FBXL17: variants seen among roughly 807,000 people sequenced by gnomAD.
FBXL17 encodes the protein F-box and leucine rich repeat protein 17.
In FBXL17, 22 loss-of-function variants were observed where a neutral mutation model predicts 66.2. The ratio of observed to expected loss-of-function variants is 0.33; its 90% CI spans 0.24 to 0.47. FBXL17 has a LOEUF of 0.47. Among genes scored for constraint, FBXL17 ranks in the 20% least tolerant of loss-of-function variants. The pLI is 1.00. For missense variants in FBXL17, 878 were observed against 948.2 expected, an observed-to-expected ratio of 0.93 and a Z score of 0.97; for synonymous variants, 474 against 400.5, an observed-to-expected ratio of 1.18 and a Z score of -2.19.
chr5:107,997,534 T>C (rs367545174), intron 7 of FBXL17, among the ~76,000 whole-genome samples: 1 of 152,164 alleles, frequency 6.6e-6, no homozygotes, highest in Admixed American at 6.5e-5. Context: ...ATTAGGGAGA[T>C]GGCATCTTGA....
At chr5:107,952,385 G>C (rs1751525694) in intron 7 of FBXL17, among the ~76,000 whole-genome samples, 1 of 152,174 alleles carries the variant, frequency 6.6e-6, no homozygotes. Context: ...AACTATTTCA[G>C]TATCATCTTT....
chr5:108,001,023 G>C (rs898316788), intron 7 of FBXL17, among the ~76,000 whole-genome samples: 7 of 152,080 alleles, frequency 4.6e-5, no homozygotes, highest in African/African-American at 1.7e-4. Flanking sequence ...TTATAAAATA[G>C]CTGTGCACTT....
In FBXL17 at chr5:107,860,128, AC is replaced by A. The variant is rs1326533813; in HGVS notation, c.*1591del. 6.6e-6 allele frequency: 1 copy of A among 152,276 alleles called. No individual in the cohort carries two copies. Among genetic ancestry groups the A allele is most frequent in the Admixed American group, 6.5e-5 (1 of 15,288 alleles). The allele number at this position is 152,276 out of a possible 1,614,324, so 9.4% of individuals were successfully genotyped here. A position where few individuals can be genotyped will look rare whatever the true frequency, so the allele number is the denominator to read the frequency against. On this transcript the variant is annotated 3_prime_UTR_variant, in exon 9 of 9. Coordinates refer to ENST00000542267, the MANE Select transcript of FBXL17 (RefSeq NM_001163315.3). Reference sequence around the variant, plus strand: ...ACATAATCAAAGGAAACAGTTGTTTACAAAAAAAGAGAATCATTAGAAATCA... The same window carrying A: ...ACATAATCAAAGGAAACAGTTGTTTAAAAAAAAGAGAATCATTAGAAATCA...
At chr5:107,916,243 G>GT (rs1187090756) in intron 7 of FBXL17, among the ~76,000 whole-genome samples, 4 of 152,206 alleles carry the variant, frequency 2.6e-5, no homozygotes, top group African/African-American at 9.6e-5. Context: ...TTTATGAAAT[G>GT]TAAGGCCATC....
intron 6 of FBXL17, among the ~76,000 whole-genome samples, chr5:108,022,906 G>A (rs1177399601): frequency 6.6e-6 from 1 of 152,102 alleles, no homozygotes; most frequent in Non-Finnish European, 1.5e-5. Flanking sequence ...AAAGGGTCAT[G>A]AGCATCAGGT....
intron 7 of FBXL17, among the ~76,000 whole-genome samples, chr5:107,941,952 C>T (rs1349457498): frequency 2.6e-5 from 4 of 152,100 alleles, no homozygotes; most frequent in Non-Finnish European, 5.9e-5. Context: ...TGGCACTTGG[C>T]CTGTGGAGAT....
intron 6 of FBXL17, among the ~76,000 whole-genome samples, chr5:108,169,829 T>C (rs1580547553): frequency 6.6e-6 from 1 of 152,320 alleles, no homozygotes; most frequent in African/African-American, 2.4e-5. Context: ...CATAGGCTTA[T>C]ATTCACTAGG....
chr5:107,862,003 T>C, intron 8 of FBXL17, 143 bp from the exon 9 acceptor site: 1 of 812,758 alleles, frequency 1.2e-6, no homozygotes, highest in Non-Finnish European at 1.7e-6. Flanking sequence ...GGAAGGGTTT[T>C]GTGAGGAGAT....
chr5:108,259,135 C>A (rs1201297531), intron 4 of FBXL17, among the ~76,000 whole-genome samples: 1 of 152,020 alleles, frequency 6.6e-6, no homozygotes, highest in Non-Finnish European at 1.5e-5. Flanking sequence ...GAAGAAAAGA[C>A]AGCACAAACA....
In FBXL17 at chr5:108,381,630, C is replaced by T; in HGVS notation, c.62G>A (p.Cys21Tyr). 1 of 1,494,950 alleles carries T rather than the reference C, an allele frequency of 6.7e-7. No individual in the cohort carries two copies. The allele number at this position is 1,494,950 out of a possible 1,614,324, so 92.6% of individuals were successfully genotyped here. ...NRPSQKRPRC[C>Y]SWCRRRRPLL... ...AGGGCGCCGGCGGCGGCACCAACTG[C>T]AACAGCGAGGCCTCTTCTGGCTCGG... Residue 21 changes from cysteine (C) to tyrosine (Y), a missense_variant, in exon 1 of 9, where the codon TGC (cysteine) becomes TAC (tyrosine). By Grantham distance (194) the Cys-to-Tyr change is radical. Coordinates refer to ENST00000542267, the MANE Select transcript of FBXL17 (RefSeq NM_001163315.3).
intron 6 of FBXL17, among the ~76,000 whole-genome samples, chr5:108,167,993 T>C (rs541624343): frequency 6.6e-6 from 1 of 152,278 alleles, no homozygotes; most frequent in Admixed American, 6.5e-5. Context: ...TCGTTGCTCC[T>C]GGGGAAAGGA....
At chr5:108,208,023 G>A (rs2922413) in intron 5 of FBXL17, among the ~76,000 whole-genome samples, 45,714 of 151,978 alleles carry the variant, frequency 0.3, 7,157 homozygotes, top group Middle Eastern at 0.38. Context: ...CTGGTGTGAG[G>A]AGGTATCTCA....
chr5:107,894,316 A>G (rs902640874), intron 7 of FBXL17, among the ~76,000 whole-genome samples: 1 of 152,228 alleles, frequency 6.6e-6, no homozygotes, highest in African/African-American at 2.4e-5. Flanking sequence ...AAAGGAATGA[A>G]GGAACAGATC....
chr5:108,005,888 T>A (rs1236101068), intron 7 of FBXL17, among the ~76,000 whole-genome samples: 1 of 152,180 alleles, frequency 6.6e-6, no homozygotes, highest in Non-Finnish European at 1.5e-5. Flanking sequence ...GTTATGTGGA[T>A]CTTACCTCCT....
At chr5:108,372,770 A>G (rs1276091519) in intron 1 of FBXL17, among the ~76,000 whole-genome samples, 2 of 152,210 alleles carry the variant, frequency 1.3e-5, no homozygotes, top group Non-Finnish European at 2.9e-5. Context: ...GAAATACTAT[A>G]AAGAGTCCAT....
At chr5:108,009,048 A>C (rs556781820) in intron 7 of FBXL17, among the ~76,000 whole-genome samples, 121 of 151,056 alleles carry the variant, frequency 8.0e-4, no homozygotes, top group African/African-American at 2.9e-3. Context: ...ATGATTAAAA[A>C]TACACAAGTA....
At chr5:108,051,969 C>T (rs1008490435) in intron 6 of FBXL17, among the ~76,000 whole-genome samples, 10 of 151,764 alleles carry the variant, frequency 6.6e-5, no homozygotes, top group Admixed American at 2.6e-4. Flanking sequence ...AAAAACTAGC[C>T]GGGTCTGGTG....
intron 5 of FBXL17, among the ~76,000 whole-genome samples, chr5:108,200,118 T>C (rs1012104578): frequency 2.0e-5 from 3 of 152,056 alleles, no homozygotes; most frequent in African/African-American, 7.2e-5. Context: ...TGCAGATCAG[T>C]CCAGGGCTGG....
At chr5:108,125,082 C>G (rs1372646540) in intron 6 of FBXL17, among the ~76,000 whole-genome samples, 2 of 151,788 alleles carry the variant, frequency 1.3e-5, no homozygotes, top group Non-Finnish European at 2.9e-5. Context: ...TCCTTGTTAT[C>G]TAGGTACCAG....
Sources: gnomAD v4.1 joint callset for allele counts (sites outside exome capture counted in the v4.1 genomes callset) on GRCh38, gnomAD v4.1.1 for gene constraint, MANE v1.5 for transcripts, NCBI Gene and HGNC (gene_info 2026-07-23, HGNC 2026-07-21) for gene names.